The following DIP2C variants were observed in gnomAD, a reference collection of about 807,000 sequenced individuals.
DIP2C encodes the protein disco-interacting protein 2 homolog C.
Under a neutral mutation model 192.4 loss-of-function variants are expected in DIP2C, and 33 were observed. The ratio of observed to expected loss-of-function variants is 0.17; its 90% confidence interval spans 0.13 to 0.23. DIP2C has a LOEUF of 0.23. Among genes scored for constraint, DIP2C ranks in the 10% least tolerant of loss-of-function variants. DIP2C has a pLI of 1.00. For synonymous variants in DIP2C, 979 were observed against 864.1 expected (o/e 1.13, Z -2.33); for missense variants, 1,537 against 2,110.1 (o/e 0.73, Z 5.32).
In DIP2C at chr10:652,993, C is replaced by T. The variant is rs1055093073; in HGVS notation, c.85+36501G>A. 6.6e-6 allele frequency among the ~76,000 whole-genome samples: 1 copy of T among 152,076 alleles called. No homozygotes were observed. Among genetic ancestry groups the T allele is most frequent in the Non-Finnish European group, 1.5e-5 (1 of 68,020 alleles). ...TCAAGGTGCCCCACGTCCCCAAAGA[C>T]CAAGGGGTCACAGCTCCACATTGTC... is the stretch of plus-strand genomic sequence containing the variant. On this transcript the variant is annotated intron_variant, in intron 1 of 36. Coordinates refer to ENST00000280886, the MANE Select transcript of DIP2C (RefSeq NM_014974.3). The surrounding 1 kb of genome is among the most constrained non-coding windows in gnomAD (Gnocchi z 4.5).
chr10:300,567 T>C (rs1031149613), intron 32 of DIP2C, among the ~76,000 whole-genome samples: 3 of 150,866 alleles, frequency 2.0e-5, no homozygotes, highest in Non-Finnish European at 3.0e-5. Context: ...CAGCCCTGCG[T>C]GTGTGGAGAA....
chr10:493,436 AT>A (rs1844593438), intron 1 of DIP2C, among the ~76,000 whole-genome samples: 1 of 152,060 alleles, frequency 6.6e-6, no homozygotes, highest in Non-Finnish European at 1.5e-5. Flanking sequence ...TTGTATTTAC[AT>A]TTTTTGGTGT....
intron 29 of DIP2C, among the ~76,000 whole-genome samples, chr10:336,279 ATGG>A (rs1242238960): frequency 6.6e-6 from 1 of 152,166 alleles, no homozygotes; most frequent in Admixed American, 6.5e-5. Flanking sequence ...TCCGTGTACA[ATGG>A]TGGTCTCATG....
In DIP2C at chr10:363,128, G is replaced by C; in HGVS notation, c.2592+69C>G. On this transcript the variant is annotated intron_variant, in intron 21 of 36. Transcript: ENST00000280886. The surrounding 1 kb of genome is among the most constrained non-coding windows in gnomAD (Gnocchi z 5.4). ...GCAAAGCAACAGCTGGTCACACCAT[G>C]ATCTGAATGAAGTAAGGAGGCCAGA... 1 of 1,402,520 alleles carries C rather than the reference G, an allele frequency of 7.1e-7. No homozygotes were observed. The highest frequency in any genetic ancestry group is 9.9e-7 in the Non-Finnish European group (1 of 1,007,112). The allele number at this position is 1,402,520 out of a possible 1,614,324, so 86.9% of individuals were successfully genotyped here.
intron 3 of DIP2C, among the ~76,000 whole-genome samples, chr10:447,063 C>T (rs1216173917): frequency 6.6e-6 from 1 of 152,232 alleles, no homozygotes; most frequent in Admixed American, 6.5e-5. Flanking sequence ...CGCATGCAAA[C>T]TAACAAGGGA....
At chr10:503,990 C>T (rs969994282) in intron 1 of DIP2C, among the ~76,000 whole-genome samples, 10 of 152,214 alleles carry the variant, frequency 6.6e-5, no homozygotes, top group Non-Finnish European at 1.3e-4. Flanking sequence ...CCTGATCACA[C>T]TTAAAGTCAA....
intron 2 of DIP2C, among the ~76,000 whole-genome samples, chr10:480,675 A>G (rs1230856950): frequency 6.6e-6 from 1 of 152,196 alleles, no homozygotes; most frequent in Non-Finnish European, 1.5e-5. Flanking sequence ...CACTCCCTCC[A>G]TAGCGGCTGG....
At chr10:463,212 TTC>T (rs557822359) in intron 3 of DIP2C, among the ~76,000 whole-genome samples, 9 of 152,308 alleles carry the variant, frequency 5.9e-5, no homozygotes, top group South Asian at 2.1e-4. Context: ...GTCAAATTGT[TTC>T]TGTTTACAGA....
intron 31 of DIP2C, among the ~76,000 whole-genome samples, chr10:323,707 A>T (rs1450057319): frequency 6.6e-6 from 1 of 152,100 alleles, no homozygotes; most frequent in Admixed American, 6.5e-5. Flanking sequence ...GTATTTTCTG[A>T]TTTTGTTTTC....
At position 511,351 on chromosome 10, in the gene DIP2C, C is replaced by G. The variant is rs1845999581; in HGVS notation, c.86-24821G>C. ...TCAGGCGGCTCAGCCAATGGGGCAA[C>G]AGATTCAACAGAGTTCCATGTCGTT... On this transcript the variant is annotated intron_variant, in intron 1 of 36. Transcript: ENST00000280886. Among the ~76,000 whole-genome samples, 3 of 152,190 alleles carry G rather than the reference C, an allele frequency of 2.0e-5. No homozygotes were observed. The South Asian group carries it at 6.2e-4, about 32-fold the overall frequency.
chr10:337,119 G>A (rs1322322243), intron 29 of DIP2C, among the ~76,000 whole-genome samples: 8 of 98,786 alleles, frequency 8.1e-5, no homozygotes, highest in African/African-American at 3.1e-4. Context: ...GTGTTGTGGA[G>A]GCCTAGGCAG....
chr10:321,007 G>A (rs887193304), intron 31 of DIP2C, among the ~76,000 whole-genome samples: 2 of 97,206 alleles, frequency 2.1e-5, no homozygotes, highest in Non-Finnish European at 3.8e-5. Context: ...CACAGTGTCC[G>A]GGTTATGAAG....
intron 1 of DIP2C, among the ~76,000 whole-genome samples, chr10:613,451 G>A (rs867537359): frequency 2.0e-5 from 3 of 152,228 alleles, no homozygotes; most frequent in African/African-American, 7.2e-5. Flanking sequence ...AGCCCACTAA[G>A]GAATCCGATT....
chr10:594,474 A>C (rs554851451), intron 1 of DIP2C, among the ~76,000 whole-genome samples: 3 of 151,504 alleles, frequency 2.0e-5, no homozygotes, highest in Non-Finnish European at 4.4e-5. Context: ...AAACCATTTC[A>C]ACGTAAGGGA....
At chr10:281,059 T>A in intron 36 of DIP2C, 141 bp downstream of exon 36, 1 of 1,224,718 alleles carries the variant, frequency 8.2e-7, no homozygotes, top group Non-Finnish European at 1.1e-6. Flanking sequence ...CCCCAAAAGA[T>A]AAAGATTTAT....
At chr10:665,671 A>G (rs537443867) in intron 1 of DIP2C, 1 of 152,428 alleles carries the variant, frequency 6.6e-6, no homozygotes, top group Non-Finnish European at 1.5e-5. Flanking sequence ...ACCCTCCAGA[A>G]CCAAACGCTA....
chr10:408,016 T>A (rs1392592411), intron 9 of DIP2C, among the ~76,000 whole-genome samples: 5 of 152,138 alleles, frequency 3.3e-5, no homozygotes, highest in African/African-American at 1.2e-4. Context: ...TCATGAGGTG[T>A]CTTCTCTATA....
chr10:489,100 A>AG (rs1844237100), intron 1 of DIP2C, among the ~76,000 whole-genome samples: 1 of 152,178 alleles, frequency 6.6e-6, no homozygotes, highest in Admixed American at 6.5e-5. Flanking sequence ...CCAAAGCCGA[A>AG]GCGCTGGATG....
intron 1 of DIP2C, among the ~76,000 whole-genome samples, chr10:660,639 G>A (rs1454494668): frequency 6.6e-6 from 1 of 152,202 alleles, no homozygotes. Flanking sequence ...TGCTTTTCAA[G>A]GGCACAATGA....
Sources: allele counts gnomAD v4.1 joint callset (sites outside exome capture counted in the v4.1 genomes callset), GRCh38; gene constraint gnomAD v4.1.1; non-coding constraint Gnocchi (gnomAD v3.1); transcripts MANE v1.5; gene names NCBI Gene and HGNC (gene_info 2026-07-23, HGNC 2026-07-21).